Variants in C5 observed in about 807,000 individuals in gnomAD.
The protein encoded by C5 is C3 and PZP-like alpha-2-macroglobulin domain-containing protein 4.
A neutral mutation model predicts 218.8 loss-of-function variants in C5; 140 were observed. The ratio of observed to expected loss-of-function variants is 0.64; its 90% CI spans 0.56 to 0.74. The LOEUF is 0.74. Among genes scored for constraint, C5 ranks in the 30% least tolerant of loss-of-function variants. C5 has a pLI of 0.00. For missense variants in C5, 1,700 were observed against 1,969.6 expected (o/e 0.86, Z 2.59); for synonymous variants, 614 against 682.3 (o/e 0.90, Z 1.56).
the C5 span, among the ~76,000 whole-genome samples, chr9:121,073,022 G>C: frequency 6.6e-6 from 1 of 152,024 alleles, no homozygotes; most frequent in Non-Finnish European, 1.5e-5. Context: ...GTAAATCAAA[G>C]ACACATCTGC....
At chr9:120,961,450 C>G in intron 37 of C5, 32 bp downstream of exon 37, 2 of 1,378,032 alleles carry the variant, frequency 1.5e-6, no homozygotes, top group Non-Finnish European at 2.1e-6. Flanking sequence ...TTTAAATAAG[C>G]ATGCAGCCTA....
chr9:120,963,615 G>A (rs747285834), intron 34 of C5, 21 bp downstream of exon 34: 12 of 1,524,364 alleles, frequency 7.9e-6, no homozygotes, highest in South Asian at 2.2e-5. Flanking sequence ...TTCACAACAC[G>A]ATTTAAAAGA....
Position 121,032,059 on chromosome 9 carries a change from T to C in C5, c.667+54A>G. 3.6e-6 allele frequency: 4 copies of C among 1,101,214 alleles called. No individual in the cohort carries two copies. The Admixed American group carries it at 5.1e-5, about 14-fold the overall frequency. 68.2% of individuals were successfully genotyped at this position (1,101,214 alleles called of 1,614,324 possible). ...GCCTGGGCAACAGAGCGAGACTCCATCTCAAAAACAAAAAACAAAAAGCAA... is the reference window on the plus strand; with the variant it reads ...GCCTGGGCAACAGAGCGAGACTCCACCTCAAAAACAAAAAACAAAAAGCAA... On this transcript the variant is annotated intron_variant, in intron 6 of 40. Transcript: ENST00000223642.
At chr9:121,040,575 T>G (rs2047568911) in intron 3 of C5, among the ~76,000 whole-genome samples, 1 of 152,234 alleles carries the variant, frequency 6.6e-6, no homozygotes. Flanking sequence ...TTTCTGTAAA[T>G]ATGGCTTTGT....
intron 39 of C5, among the ~76,000 whole-genome samples, chr9:120,955,603 C>G (rs1445565904): frequency 6.6e-6 from 1 of 151,954 alleles, no homozygotes; most frequent in African/African-American, 2.4e-5. Flanking sequence ...AGAATGGCAA[C>G]TAGCCTGCAA....
At chr9:121,046,097 A>T in intron 2 of C5, 94 bp downstream of exon 2, 1 of 593,458 alleles carries the variant, frequency 1.7e-6, no homozygotes, top group Non-Finnish European at 2.9e-6. Flanking sequence ...GTAAATGATT[A>T]AATCTATATG....
In C5 at chr9:121,015,272, T is replaced by TA. The variant is rs765549478; in HGVS notation, c.1997-12dup. ...CTTTACAAGGTTCATCTGGTTTTTTTAAAAAAAGATAAAGAAGAAGGATTA... is the reference window on the plus strand; with the variant it reads ...CTTTACAAGGTTCATCTGGTTTTTTTAAAAAAAAGATAAAGAAGAAGGATTA... On this transcript the variant is annotated splice_polypyrimidine_tract_variant and intron_variant, in intron 15 of 40. Transcript: ENST00000223642. 8 of 1,560,948 alleles carry TA rather than the reference T, an allele frequency of 5.1e-6. No individual in the cohort carries two copies. The highest frequency in any genetic ancestry group is 2.7e-5 in the African/African-American group (2 of 73,892).
intron 40 of C5, 139 bp downstream of exon 40, chr9:120,953,591 T>C: frequency 1.1e-6 from 1 of 906,606 alleles, no homozygotes; most frequent in Non-Finnish European, 1.8e-6. Context: ...AATCATTCTT[T>C]GCTTGACATT....
rs1328657261 is a variant in C5 at position 121,016,342 on chromosome 9, T to A, written c.1908A>T (p.Ala636=). The A allele has an allele frequency of 1.2e-6, 2 of 1,613,988 alleles. No homozygotes were observed. Among genetic ancestry groups the A allele is most frequent in the Non-Finnish European group, 1.7e-6 (2 of 1,179,970 alleles). Residue 636 remains alanine (A), a synonymous_variant, in exon 15 of 41, where the codon GCA becomes GCT. Transcript: ENST00000223642. The part of the protein sequence containing the change: ...FLEKSDLGCG[A]GGGLNNANVF... ...CATTGGCATTGTTGAGGCCACCACC[T>A]GCCCCACAGCCCAGATCACTCTTCT...
chr9:121,021,362 G>T, intron 11 of C5, 147 bp downstream of exon 11: 1 of 692,910 alleles, frequency 1.4e-6, no homozygotes, highest in Non-Finnish European at 2.6e-6. Context: ...GATTGTCTCT[G>T]GGACTAATTT....
chr9:120,952,924 AT>A, intron 40 of C5, 56 bp from the exon 41 acceptor site: 1 of 1,595,168 alleles, frequency 6.3e-7, no homozygotes, highest in Non-Finnish European at 8.6e-7. Context: ...GCTGAATTTG[AT>A]TTCTTTATTT....
intron 17 of C5, among the ~76,000 whole-genome samples, chr9:121,010,739 A>G (rs1036154146): frequency 1.3e-5 from 2 of 152,292 alleles, no homozygotes; most frequent in African/African-American, 4.8e-5. Flanking sequence ...AAATTATACT[A>G]TAGTATAATT....
At chr9:121,013,779 TA>T in intron 17 of C5, 93 bp downstream of exon 17, 2 of 1,128,716 alleles carry the variant, frequency 1.8e-6, no homozygotes, top group Non-Finnish European at 1.3e-6. Context: ...CTTTCAATTC[TA>T]AATAGATCAT....
At chr9:120,955,948 T>C (rs1181054538) in intron 39 of C5, among the ~76,000 whole-genome samples, 1 of 152,138 alleles carries the variant, frequency 6.6e-6, no homozygotes, top group Non-Finnish European at 1.5e-5. Context: ...AAATTTAGTA[T>C]AAACATATTA....
chr9:120,993,260 T>C (rs1368540262), intron 22 of C5, among the ~76,000 whole-genome samples: 1 of 152,288 alleles, frequency 6.6e-6, no homozygotes, highest in East Asian at 1.9e-4. Context: ...AATATGTATA[T>C]ATCCTTTGAC....
At chr9:121,058,819 T>C in the C5 span, among the ~76,000 whole-genome samples, 1 of 152,242 alleles carries the variant, frequency 6.6e-6, no homozygotes, top group African/African-American at 2.4e-5. Context: ...ATTCTTATTA[T>C]ATACTATTGT....
chr9:121,066,580 CATG>C, the C5 span, among the ~76,000 whole-genome samples: 2 of 151,956 alleles, frequency 1.3e-5, no homozygotes, highest in Non-Finnish European at 2.9e-5. Flanking sequence ...TGTGGTGGGT[CATG>C]CCTGTAATCC....
At chr9:121,008,590 A>C in intron 17 of C5, 92 bp from the exon 18 acceptor site, 1 of 924,076 alleles carries the variant, frequency 1.1e-6, no homozygotes. Flanking sequence ...CTGTAACTTA[A>C]GCATTTTCTG....
At chr9:121,039,952 T>C (rs753700579) in intron 3 of C5, among the ~76,000 whole-genome samples, 3 of 152,252 alleles carry the variant, frequency 2.0e-5, no homozygotes, top group Non-Finnish European at 4.4e-5. Flanking sequence ...TGCCTTCTAA[T>C]GTGCCAGTCA....
Sources: allele counts gnomAD v4.1 joint callset (sites outside exome capture counted in the v4.1 genomes callset), GRCh38; gene constraint gnomAD v4.1.1; transcripts MANE v1.5; gene names NCBI Gene and HGNC (gene_info 2026-07-23, HGNC 2026-07-21).